Variants in CCSER1 observed in about 807,000 individuals in gnomAD.
CCSER1 encodes the protein coiled-coil serine rich protein 1.
Under a neutral mutation model 82.0 loss-of-function variants are expected in CCSER1, and 41 were observed. The observed-to-expected ratio is 0.50, with a 90% CI of 0.39 to 0.65. CCSER1 has a LOEUF of 0.65. Among genes scored for constraint, CCSER1 ranks in the 30% least tolerant of loss-of-function variants. The pLI is 0.00. For missense variants in CCSER1, 1,119 were observed against 1,064.2 expected (o/e 1.05, Z -0.72); for synonymous variants, 414 against 383.9 (o/e 1.08, Z -0.92).
In CCSER1 at chr4:91,276,330, C is replaced by A. The variant is rs532786187; in HGVS notation, c.2217+190336C>A. 4.9e-4 allele frequency among the ~76,000 whole-genome samples: 62 copies of A among 127,712 alleles called. No homozygotes were observed. In the South Asian group the frequency reaches 0.015, roughly 31 times the overall value. 83.8% of individuals were successfully genotyped at this position (127,712 alleles called of 152,430 possible). A position where few individuals can be genotyped will look rare whatever the true frequency, so the allele number is the denominator to read the frequency against. On this transcript the variant is annotated intron_variant, in intron 10 of 10. Transcript: ENST00000509176. ...TTTTTTTGTCCTCAACTTCTTTCAT[C>A]AGAATTTTGTAGTTTTCCTTGAGTA...
In CCSER1 at chr4:91,598,713, A is replaced by C; in HGVS notation, c.2359A>C (p.Ser787Arg). 1 of 1,551,572 alleles carries C rather than the reference A, an allele frequency of 6.4e-7. No homozygotes were observed. Among genetic ancestry groups the C allele is most frequent in the East Asian group, 2.4e-5 (1 of 40,906 alleles). ...CAAAAACAAGACCTGTCAACTCCCA[A>C]GTCTCTGTTTAAGTAATTTCCTGAA... ...PYKNKTCQLP[S>R]LCLSNFLKDK... Residue 787 changes from serine to arginine, a missense_variant, in exon 11 of 11, where the codon AGT becomes CGT. Transcript: ENST00000509176.
At chr4:91,089,558 T>C (rs1301316727) in intron 10 of CCSER1, among the ~76,000 whole-genome samples, 1 of 152,234 alleles carries the variant, frequency 6.6e-6, no homozygotes, top group Non-Finnish European at 1.5e-5. Context: ...ACTACTTATG[T>C]CTTCCCGTGC....
At chr4:91,512,564 C>T (rs1451237257) in intron 10 of CCSER1, among the ~76,000 whole-genome samples, 1 of 152,122 alleles carries the variant, frequency 6.6e-6, no homozygotes, top group Non-Finnish European at 1.5e-5. Context: ...TGAGCCTTTA[C>T]CTTGTGATCA....
At chr4:90,540,443 T>C (rs1027288608) in intron 5 of CCSER1, among the ~76,000 whole-genome samples, 10 of 152,074 alleles carry the variant, frequency 6.6e-5, no homozygotes, top group African/African-American at 2.4e-4. Context: ...GATAATGGGA[T>C]TAATACTCAA....
At chr4:91,467,813 C>T (rs1444372426) in intron 10 of CCSER1, among the ~76,000 whole-genome samples, 4 of 152,172 alleles carry the variant, frequency 2.6e-5, no homozygotes, top group African/African-American at 9.7e-5. Flanking sequence ...TACCATCTCA[C>T]ACCAGTTAGA....
At chr4:91,114,080 C>T (rs62312245) in intron 10 of CCSER1, among the ~76,000 whole-genome samples, 49,538 of 151,972 alleles carry the variant, frequency 0.33, 8,696 homozygotes, top group East Asian at 0.45. Flanking sequence ...TCTCGATCTC[C>T]TGACCTCGTG....
intron 1 of CCSER1, among the ~76,000 whole-genome samples, chr4:90,199,061 C>T (rs1035661123): frequency 1.2e-4 from 18 of 152,074 alleles, no homozygotes; most frequent in Admixed American, 9.2e-4. Flanking sequence ...CACAGAGACT[C>T]GAAGATTATC....
chr4:91,379,167 G>A (rs557021633), intron 10 of CCSER1, among the ~76,000 whole-genome samples: 4 of 152,200 alleles, frequency 2.6e-5, no homozygotes, highest in Admixed American at 2.0e-4. Flanking sequence ...ATTTTATTGA[G>A]GATTTTTGCA....
chr4:90,341,742 A>G (rs1255163794), intron 3 of CCSER1, among the ~76,000 whole-genome samples: 2 of 152,118 alleles, frequency 1.3e-5, no homozygotes, highest in Non-Finnish European at 2.9e-5. Context: ...CTGATTTATT[A>G]TTGCACCAAA....
At chr4:91,441,476 T>C (rs193110665) in intron 10 of CCSER1, among the ~76,000 whole-genome samples, 16,258 of 151,962 alleles carry the variant, frequency 0.11, 1,010 homozygotes, top group Middle Eastern at 0.19. Context: ...TAACTCAAAA[T>C]AATAAGAGCT....
chr4:91,497,052 A>G (rs913619824), intron 10 of CCSER1, among the ~76,000 whole-genome samples: 3 of 150,508 alleles, frequency 2.0e-5, no homozygotes, highest in Non-Finnish European at 3.0e-5. Flanking sequence ...CTCTCCACAG[A>G]TGGTCTTAGG....
intron 1 of CCSER1, among the ~76,000 whole-genome samples, chr4:90,270,872 A>G (rs1726128816): frequency 6.6e-6 from 1 of 152,148 alleles, no homozygotes; most frequent in Non-Finnish European, 1.5e-5. Context: ...AGAAATCAAG[A>G]AAGTAATTGC....
chr4:90,637,489 C>T (rs1725643499), intron 6 of CCSER1, among the ~76,000 whole-genome samples: 1 of 152,072 alleles, frequency 6.6e-6, no homozygotes, highest in African/African-American at 2.4e-5. Flanking sequence ...AGGTAGGGAA[C>T]ATTGTGGTCC....
chr4:90,276,256 TTCCTTCCTTCCTTCCTTCCTTCC>T (rs1727702630), intron 1 of CCSER1, among the ~76,000 whole-genome samples: 1 of 84,136 alleles, frequency 1.2e-5, no homozygotes, highest in Non-Finnish European at 2.4e-5. Flanking sequence ...CTTTCTTTCC[TTCCTTCCTTCCTTCCTTCCTTCC>T]TTCCTTCCTT....
At chr4:91,418,004 C>G (rs186125738) in intron 10 of CCSER1, among the ~76,000 whole-genome samples, 3 of 151,792 alleles carry the variant, frequency 2.0e-5, no homozygotes, top group Non-Finnish European at 4.4e-5. Context: ...GAAGAAAAAT[C>G]GAAAATTGGT....
At chr4:91,582,113 T>G (rs1763755325) in intron 10 of CCSER1, among the ~76,000 whole-genome samples, 1 of 151,678 alleles carries the variant, frequency 6.6e-6, no homozygotes, top group Admixed American at 6.6e-5. Flanking sequence ...CTACTTGTAT[T>G]ATTGTATTTG....
At chr4:90,642,398 A>C (rs111668926) in intron 6 of CCSER1, 545 of 152,368 alleles carry the variant, frequency 3.6e-3, no homozygotes, top group Non-Finnish European at 5.1e-3. Flanking sequence ...GAATCTAGTG[A>C]CTCGTTTAGC....
chr4:91,224,236 C>T (rs984878682), intron 10 of CCSER1, among the ~76,000 whole-genome samples: 1 of 152,054 alleles, frequency 6.6e-6, no homozygotes. Flanking sequence ...CTACCTTTAT[C>T]TACTGTGCTG....
intron 5 of CCSER1, among the ~76,000 whole-genome samples, chr4:90,588,380 AC>A: frequency 6.6e-6 from 1 of 152,338 alleles, no homozygotes; most frequent in Admixed American, 6.5e-5. Flanking sequence ...CTGCATCTTT[AC>A]ATGGAGTAGA....
Sources: allele counts gnomAD v4.1 joint callset (sites outside exome capture counted in the v4.1 genomes callset), GRCh38; gene constraint gnomAD v4.1.1; transcripts MANE v1.5; gene names NCBI Gene and HGNC (gene_info 2026-07-23, HGNC 2026-07-21).